The following SLC71A2 variants were observed in gnomAD, a reference collection of about 807,000 sequenced individuals.
The protein encoded by SLC71A2 is hippocampus abundant transcript-like 1.
the SLC71A2 span, among the ~76,000 whole-genome samples, chr9:94,409,517 C>T: frequency 6.6e-6 from 1 of 151,986 alleles, no homozygotes; most frequent in Non-Finnish European, 1.5e-5. Context: ...ATCTTTCTTT[C>T]CTTGCTTTGA....
At chr9:94,417,456 A>T in the SLC71A2 span, among the ~76,000 whole-genome samples, 2 of 151,758 alleles carry the variant, frequency 1.3e-5, no homozygotes, top group African/African-American at 2.4e-5. Flanking sequence ...GGTGAAACCC[A>T]GTCTGTACTA....
At chr9:94,438,827 C>A in the SLC71A2 span, among the ~76,000 whole-genome samples, 2 of 152,054 alleles carry the variant, frequency 1.3e-5, no homozygotes, top group African/African-American at 4.8e-5. Flanking sequence ...GGAGTTTAAC[C>A]CTGAGAATGG....
chr9:94,405,276 A>C, the SLC71A2 span, among the ~76,000 whole-genome samples: 3 of 152,032 alleles, frequency 2.0e-5, no homozygotes, highest in Non-Finnish European at 4.4e-5. Flanking sequence ...CGGGCAGATC[A>C]CGAGGTCAGG....
chr9:94,429,133 A>G, the SLC71A2 span: 7 of 1,601,880 alleles, frequency 4.4e-6, no homozygotes, highest in Non-Finnish European at 5.1e-6. Context: ...AGAGGCAGAA[A>G]ATTTTTCCTT....
At chr9:94,383,841 T>G in the SLC71A2 span, among the ~76,000 whole-genome samples, 1 of 152,012 alleles carries the variant, frequency 6.6e-6, no homozygotes, top group Admixed American at 6.6e-5. Context: ...TCAGTTGACA[T>G]GTCTTTCCCA....
At chr9:94,446,768 T>G in the SLC71A2 span, 1 of 884,684 alleles carries the variant, frequency 1.1e-6, no homozygotes, top group East Asian at 2.5e-5. Context: ...CCCAGAACAT[T>G]GGCAACATTA....
At chr9:94,418,687 C>T in the SLC71A2 span, among the ~76,000 whole-genome samples, 235 of 151,914 alleles carry the variant, frequency 1.5e-3, no homozygotes, top group East Asian at 0.011. Flanking sequence ...CTGCCTGCCT[C>T]GGCTGGCCTC....
chr9:94,394,494 T>A, the SLC71A2 span, among the ~76,000 whole-genome samples: 3 of 91,740 alleles, frequency 3.3e-5, no homozygotes, highest in African/African-American at 8.5e-5. Flanking sequence ...GTCACCCAGG[T>A]TAGCGTGTGG....
At chr9:94,440,180 GTC>G in the SLC71A2 span, among the ~76,000 whole-genome samples, 3 of 151,676 alleles carry the variant, frequency 2.0e-5, no homozygotes, top group Non-Finnish European at 2.9e-5. Context: ...TTGAGACGGA[GTC>G]TCTCTCTGTC....
the SLC71A2 span, among the ~76,000 whole-genome samples, chr9:94,391,355 TC>T: frequency 6.8e-6 from 1 of 146,058 alleles, no homozygotes; most frequent in African/African-American, 2.5e-5. Context: ...AGAGCGAGAC[TC>T]TGTCTTAAAA....
chr9:94,455,103 G>GTA, the SLC71A2 span, among the ~76,000 whole-genome samples: 1 of 142,384 alleles, frequency 7.0e-6, no homozygotes, highest in Non-Finnish European at 1.5e-5. Context: ...TGGGGAGTAA[G>GTA]TACATATGCC....
chr9:94,421,695 G>A, the SLC71A2 span, among the ~76,000 whole-genome samples: 25 of 152,176 alleles, frequency 1.6e-4, no homozygotes, highest in African/African-American at 5.8e-4. Flanking sequence ...AATATTTTGC[G>A]TTTTGTGTGA....
At chr9:94,380,250 G>A in the SLC71A2 span, among the ~76,000 whole-genome samples, 6 of 151,800 alleles carry the variant, frequency 4.0e-5, no homozygotes, top group Admixed American at 6.6e-5. Flanking sequence ...CAGCCTGGGC[G>A]ACAGAGCGAG....
At chr9:94,377,230 C>G in the SLC71A2 span, among the ~76,000 whole-genome samples, 2 of 151,864 alleles carry the variant, frequency 1.3e-5, no homozygotes, top group Admixed American at 6.6e-5. Flanking sequence ...GTGCTGTGTC[C>G]TATAGCCCCT....
the SLC71A2 span, among the ~76,000 whole-genome samples, chr9:94,377,387 T>G: frequency 1.3e-5 from 2 of 149,988 alleles, no homozygotes; most frequent in Non-Finnish European, 3.0e-5. Flanking sequence ...TTTCTGTGTT[T>G]TTTTTTTTGA....
chr9:94,406,577 C>T, the SLC71A2 span, among the ~76,000 whole-genome samples: 1 of 152,078 alleles, frequency 6.6e-6, no homozygotes, highest in Non-Finnish European at 1.5e-5. Flanking sequence ...CTCACTATGT[C>T]GCCTGGGAGG....
At chr9:94,431,075 G>A in the SLC71A2 span, among the ~76,000 whole-genome samples, 1 of 152,308 alleles carries the variant, frequency 6.6e-6, no homozygotes, top group Admixed American at 6.5e-5. Context: ...CACTTTGGGA[G>A]GCCAAGGCAG....
At chr9:94,455,156 CTTT>C in the SLC71A2 span, among the ~76,000 whole-genome samples, 1 of 27,680 alleles carries the variant, frequency 3.6e-5, no homozygotes, top group Non-Finnish European at 5.7e-5. Context: ...TTGCTCTTTC[CTTT>C]TTTTTTTTTT....
the SLC71A2 span, among the ~76,000 whole-genome samples, chr9:94,450,738 C>G: frequency 6.6e-6 from 1 of 152,140 alleles, no homozygotes; most frequent in Non-Finnish European, 1.5e-5. Context: ...ATCCGCCTGC[C>G]TTGGCCTCCC....
Sources: allele counts gnomAD v4.1 joint callset (sites outside exome capture counted in the v4.1 genomes callset), GRCh38; gene constraint gnomAD v4.1.1; transcripts MANE v1.5; gene names NCBI Gene and HGNC (gene_info 2026-07-23, HGNC 2026-07-21).